Variants in ARFGEF2 observed in about 807,000 individuals in gnomAD.
ARFGEF2 encodes ARF guanine nucleotide exchange factor 2, also known as brefeldin A-inhibited guanine nucleotide-exchange protein 2.
ARFGEF2 carries 74 observed loss-of-function variants against 219.9 expected under a neutral mutation model. That is an observed-to-expected ratio of 0.34 (90% confidence interval 0.28 to 0.41). The LOEUF is 0.41. Ranked by LOEUF, ARFGEF2 falls within the 10% of genes least tolerant of loss-of-function variation. The probability of loss-of-function intolerance (pLI) is 1.00; values close to 1 mark genes in which losing one functional copy is unlikely to be tolerated. For missense variants in ARFGEF2, 1,743 were observed against 2,218.3 expected (o/e 0.79, Z 4.30); for synonymous variants, 733 against 799.2 (o/e 0.92, Z 1.40).
At chr20:49,025,897 G>A (rs911784159) in intron 36 of ARFGEF2, among the ~76,000 whole-genome samples, 1 of 151,582 alleles carries the variant, frequency 6.6e-6, no homozygotes, top group African/African-American at 2.4e-5. Context: ...CAGGAGAATC[G>A]CTTGTACCCG....
At chr20:48,986,681 A>G (rs1258924942) in intron 16 of ARFGEF2, among the ~76,000 whole-genome samples, 2 of 151,994 alleles carry the variant, frequency 1.3e-5, no homozygotes, top group African/African-American at 2.4e-5. Context: ...TGCTGTGACC[A>G]TGATGTGGAA....
Position 48,946,477 on chromosome 20 carries a change from T to TA in ARFGEF2, c.276+4490_276+4491insA, listed in dbSNP as rs2091027762. Among the ~76,000 whole-genome samples the TA allele has an allele frequency of 6.2e-5, 9 of 145,226 alleles. No individual in the cohort carries two copies. In the South Asian group the frequency reaches 1.9e-3, roughly 31 times the overall value. On this transcript the variant is annotated intron_variant, in intron 3 of 38. Coordinates refer to ENST00000371917, the MANE Select transcript of ARFGEF2 (RefSeq NM_006420.3). Reference sequence around the variant, plus strand: ...AAGTTTTTCTGGTCACATATCAATTTTATATATATATATATATATTTTTAT... The same window carrying TA: ...AAGTTTTTCTGGTCACATATCAATTTATATATATATATATATATATTTTTAT...
rs995141919 is a variant in ARFGEF2 at position 48,921,775 on chromosome 20, G to T, written c.-115G>T. On this transcript the variant is annotated 5_prime_UTR_variant, in exon 1 of 39. Coordinates refer to ENST00000371917, the MANE Select transcript of ARFGEF2 (RefSeq NM_006420.3). ...GGGCCGAGGTGTCGCTTCCTGACGGGGCGGCGCGGACGGACGCGGCCGGTG... is the reference window on the plus strand; with the variant it reads ...GGGCCGAGGTGTCGCTTCCTGACGGTGCGGCGCGGACGGACGCGGCCGGTG... The T allele has an allele frequency of 9.1e-7, 1 of 1,101,134 alleles. No individual in the cohort carries two copies. Among genetic ancestry groups the T allele is most frequent in the Non-Finnish European group, 1.1e-6 (1 of 887,104 alleles). The allele number at this position is 1,101,134 out of a possible 1,614,324, so 68.2% of individuals were successfully genotyped here.
rs1052330313 is a variant in ARFGEF2 at position 48,935,846 on chromosome 20, C to T, written c.122-5353C>T. ...CTGACCCCCCAACCTCCCTCCCGGA[C>T]GGGGCGGCTGGCCGGGCAGAGGAGC... On this transcript the variant is annotated intron_variant, in intron 1 of 38. Coordinates refer to ENST00000371917, the MANE Select transcript of ARFGEF2 (RefSeq NM_006420.3). Among the ~76,000 whole-genome samples the T allele has an allele frequency of 8.7e-5, 10 of 114,530 alleles. No individual in the cohort carries two copies. In the South Asian group the frequency reaches 1.2e-3, roughly 13 times the overall value. 75.1% of individuals were successfully genotyped at this position (114,530 alleles called of 152,430 possible).
intron 6 of ARFGEF2, among the ~76,000 whole-genome samples, chr20:48,963,539 G>A (rs2091168037): frequency 1.3e-5 from 2 of 152,194 alleles, no homozygotes; most frequent in South Asian, 4.1e-4. Flanking sequence ...TGGGGGTGGT[G>A]GGGAGGGCCC....
In ARFGEF2 at chr20:48,953,625, G is replaced by A; in HGVS notation, c.673G>A (p.Ala225Thr). 6.2e-7 allele frequency: 1 copy of A among 1,614,180 alleles called. No homozygotes were observed. Among genetic ancestry groups the A allele is most frequent in the South Asian group, 1.1e-5 (1 of 91,090 alleles). ...KPQSPVIQAAAVSPKFVRLKH... is the reference protein window; with the variant it reads ...KPQSPVIQAATVSPKFVRLKH... Reference sequence around the variant, plus strand: ...CCAGTCCCCTGTGATCCAAGCTGCAGCAGTATCCCCAAAGTTCGTTCGTTT... The same window carrying A: ...CCAGTCCCCTGTGATCCAAGCTGCAACAGTATCCCCAAAGTTCGTTCGTTT... The change falls in exon 6 of 39, where the codon GCA becomes ACA. Residue 225 changes from alanine (A) to threonine (T), a missense_variant. Physicochemically the swap from Ala to Thr is moderately conservative, Grantham distance 58. Transcript: ENST00000371917.
rs2091576708 is a variant in ARFGEF2, at chr20:49,023,189, CAGG to C, written c.4755+12_4755+14del. 6.2e-7 allele frequency: 1 copy of C among 1,613,896 alleles called. No individual in the cohort carries two copies. Among genetic ancestry groups the C allele is most frequent in the South Asian group, 1.1e-5 (1 of 91,084 alleles). ...CACATGGTTGCCGCCCAGGTAAGAA[CAGG>C]AGGCCTCAGGAAGAGCATCCCTGTC... is the stretch of plus-strand genomic sequence containing the variant. On this transcript the variant is annotated intron_variant, in intron 35 of 38. Coordinates refer to ENST00000371917, the MANE Select transcript of ARFGEF2 (RefSeq NM_006420.3).
chr20:48,989,655 A>G lies in ARFGEF2; in HGVS notation c.2785A>G (p.Ile929Val), dbSNP rs546454517. 4 of 1,614,200 alleles carry G rather than the reference A, an allele frequency of 2.5e-6. No homozygotes were observed. The highest frequency in any genetic ancestry group is 2.2e-5 in the East Asian group (1 of 44,884). The change falls in exon 20 of 39, where the codon ATC (isoleucine) becomes GTC (valine). Residue 929 changes from isoleucine (I) to valine (V), a missense_variant. By Grantham distance (29) the Ile-to-Val change is conservative. Coordinates refer to ENST00000371917, the MANE Select transcript of ARFGEF2 (RefSeq NM_006420.3). Reference protein sequence around the residue: ...SLCLEGIRCAIRIACIFGMQL... With the variant: ...SLCLEGIRCAVRIACIFGMQL... ...GTGTTTGGAAGGCATCCGATGTGCA[A>G]TCCGAATCGCCTGCATCTTTGGAAT...
intron 9 of ARFGEF2, among the ~76,000 whole-genome samples, chr20:48,970,266 G>A (rs2091217096): frequency 6.6e-6 from 1 of 151,416 alleles, no homozygotes; most frequent in African/African-American, 2.4e-5. Flanking sequence ...AGTGAGCTGA[G>A]ATCGTGTCAC....
intron 25 of ARFGEF2, among the ~76,000 whole-genome samples, chr20:49,002,513 G>T (rs1184970573): frequency 6.6e-6 from 1 of 152,180 alleles, no homozygotes; most frequent in East Asian, 1.9e-4. Flanking sequence ...TTGTCCTTTT[G>T]TGACTGCCTT....
At chr20:49,032,530 C>T (rs2091642185) in intron 38 of ARFGEF2, among the ~76,000 whole-genome samples, 1 of 151,888 alleles carries the variant, frequency 6.6e-6, no homozygotes. Flanking sequence ...GGCAGCAAGA[C>T]TATCCAAATT....
chr20:48,975,800 C>CAAAAAA (rs1057511883), intron 13 of ARFGEF2, among the ~76,000 whole-genome samples: 19 of 112,176 alleles, frequency 1.7e-4, no homozygotes, highest in Admixed American at 4.8e-4. Flanking sequence ...GACTCCATCT[C>CAAAAAA]AAAAAAAAAA....
Position 48,953,558 on chromosome 20 carries a change from G to A in ARFGEF2, c.606G>A (p.Leu202=). 2 of 1,613,914 alleles carry A rather than the reference G, an allele frequency of 1.2e-6. No homozygotes were observed. Among genetic ancestry groups the A allele is most frequent in the Non-Finnish European group, 1.7e-6 (2 of 1,179,892 alleles). Residue 202 remains leucine, a splice_region_variant and synonymous_variant, in exon 6 of 39, where the codon TTG becomes TTA. Coordinates refer to ENST00000371917, the MANE Select transcript of ARFGEF2 (RefSeq NM_006420.3). ...VIFTRMENQV[L]QEARELEKPI... The stretch of plus-strand genomic sequence containing the variant: ...ATCCCCCTTTTGTTGCCTTTTAGTT[G>A]CAGGAGGCCAGAGAACTGGAAAAAC...
At chr20:48,930,627 G>A (rs1157952159) in intron 1 of ARFGEF2, among the ~76,000 whole-genome samples, 2 of 152,180 alleles carry the variant, frequency 1.3e-5, no homozygotes, top group African/African-American at 4.8e-5. Flanking sequence ...AGTGGTGGAG[G>A]GAGGAAGTTG....
Position 49,012,088 on chromosome 20 carries a change from C to T in ARFGEF2, c.3918+4C>T, listed in dbSNP as rs202019616. On this transcript the variant is annotated splice_donor_region_variant and intron_variant, in intron 28 of 38. Coordinates refer to ENST00000371917, the MANE Select transcript of ARFGEF2 (RefSeq NM_006420.3). ...ATACGTCTCTGAGAGGCCTCGGGTT[C>T]GTTTTTCCCCACCTTACTCAGATGG... 6.8e-6 allele frequency: 11 copies of T among 1,614,158 alleles called. No homozygotes were observed. The highest frequency in any genetic ancestry group is 2.2e-5 in the East Asian group (1 of 44,886).
chr20:48,959,765 G>A (rs1023281801), intron 6 of ARFGEF2, among the ~76,000 whole-genome samples: 3 of 150,880 alleles, frequency 2.0e-5, no homozygotes, highest in Non-Finnish European at 4.4e-5. Flanking sequence ...GTGCCCTGCT[G>A]ATTTTTATAC....
chr20:48,977,519 A>G (rs1201204753), intron 14 of ARFGEF2, among the ~76,000 whole-genome samples: 1 of 152,160 alleles, frequency 6.6e-6, no homozygotes, highest in Admixed American at 6.5e-5. Context: ...GTCAAATGCT[A>G]TTTCTAGTTC....
intron 14 of ARFGEF2, among the ~76,000 whole-genome samples, chr20:48,980,982 T>A (rs1239718268): frequency 6.6e-6 from 1 of 152,216 alleles, no homozygotes; most frequent in African/African-American, 2.4e-5. Context: ...CCCATTACAT[T>A]TCAAGTTAAT....
rs533912982 is a variant in ARFGEF2, at chr20:48,958,349, G to A, written c.838+4559G>A. 2.6e-5 allele frequency among the ~76,000 whole-genome samples: 4 copies of A among 152,288 alleles called. No individual in the cohort carries two copies. In the East Asian group the frequency reaches 7.7e-4, roughly 29 times the overall value. The stretch of plus-strand genomic sequence containing the variant: ...CCACAGTGGGAAGTGGCAGAGCAGG[G>A]ACCCGGACCAGGCATGCAGGCTCCA... On this transcript the variant is annotated intron_variant, in intron 6 of 38. Transcript: ENST00000371917.
Sources: gnomAD v4.1 joint callset for allele counts (sites outside exome capture counted in the v4.1 genomes callset) on GRCh38, gnomAD v4.1.1 for gene constraint, MANE v1.5 for transcripts, NCBI Gene and HGNC (gene_info 2026-07-23, HGNC 2026-07-21) for gene names.